The following UPRT variants were observed in gnomAD, a reference collection of about 807,000 sequenced individuals.
UPRT encodes uracil phosphoribosyltransferase homolog, also known as RP11-311P8.3.
UPRT carries 5 observed loss-of-function variants against 22.6 expected under a neutral mutation model. The ratio of observed to expected loss-of-function variants is 0.22; its 90% CI spans 0.12 to 0.47. The LOEUF (loss-of-function observed/expected upper bound fraction) is 0.47. Among genes scored for constraint, UPRT ranks in the 20% least tolerant of loss-of-function variants. UPRT has a pLI of 0.99. For missense variants in UPRT, 181 were observed against 239.9 expected, an observed-to-expected ratio of 0.75 and a Z score of 1.62; for synonymous variants, 77 against 87.7, an observed-to-expected ratio of 0.88 and a Z score of 0.68.
rs747874592 is a variant in UPRT, at chrX:75,267,949, C to A, written c.-446-23075C>A. On this transcript the variant is annotated intron_variant, in intron 4 of 13. Coordinates refer to the UPRT transcript ENST00000652605. ...AGGAGATAGAGACACAAAAAACCCTCAAAAAAAATCAATGAATCCAGGAGC... is the reference window on the plus strand; with the variant it reads ...AGGAGATAGAGACACAAAAAACCCTAAAAAAAAATCAATGAATCCAGGAGC... Among the ~76,000 whole-genome samples the A allele has an allele frequency of 8.2e-5, 9 of 110,228 alleles. No individual in the cohort carries two copies. The South Asian group carries it at 1.5e-3, about 19-fold the overall frequency.
intron 1 of UPRT, among the ~76,000 whole-genome samples, chrX:75,288,490 A>T (rs2082691577): frequency 8.9e-6 from 1 of 112,318 alleles, no homozygotes; most frequent in Admixed American, 9.5e-5. Context: ...TGCCATGATC[A>T]AGTAGGTGCC....
chrX:75,254,761 C>CTTTTTT (rs34395700), intron 4 of UPRT, among the ~76,000 whole-genome samples: 6 of 47,950 alleles, frequency 1.3e-4, no homozygotes, highest in South Asian at 1.4e-3. Flanking sequence ...AGGAAAGAAT[C>CTTTTTT]TTTTTTTTTT....
At position 75,303,879 on chromosome X, in the gene UPRT, G is replaced by A. The variant is rs2082753085; in HGVS notation, c.*368G>A. On this transcript the variant is annotated 3_prime_UTR_variant, in exon 7 of 7. Transcript: ENST00000373383. ...TTTGTCCCACTGTAGTTTGCATTTT[G>A]TTTAGTTTGGTTTTAGCTCTACTAA... The A allele has an allele frequency of 1.5e-5, 2 of 136,165 alleles. No individual in the cohort carries two copies. The highest frequency in any genetic ancestry group is 3.2e-5 in the African/African-American group (1 of 31,131). The allele number at this position is 136,165 out of a possible 1,213,427, so 11.2% of individuals were successfully genotyped here.
chrX:75,191,940 C>A (rs1204803544), intron 4 of UPRT, among the ~76,000 whole-genome samples: 1 of 111,340 alleles, frequency 9.0e-6, no homozygotes, highest in Non-Finnish European at 1.9e-5. Flanking sequence ...TGCTTTGGCT[C>A]TCGCTTGGTG....
chrX:75,245,648 A>G (rs138192719), intron 4 of UPRT, among the ~76,000 whole-genome samples: 4,105 of 112,063 alleles, frequency 0.037, 187 homozygotes, highest in African/African-American at 0.13. Flanking sequence ...GCAGCAACAG[A>G]GATGGAGCTG....
At chrX:75,219,314 A>G (rs978129225) in intron 4 of UPRT, among the ~76,000 whole-genome samples, 7 of 112,282 alleles carry the variant, frequency 6.2e-5, no homozygotes, top group African/African-American at 2.3e-4. Flanking sequence ...AAATTTCCCC[A>G]GTATGAAATA....
intron 5 of UPRT, 83 bp from the exon 6 acceptor site, chrX:75,300,784 C>A: frequency 1.4e-6 from 1 of 738,445 alleles, no homozygotes; most frequent in Non-Finnish European, 2.0e-6. Flanking sequence ...GATTCCCTGT[C>A]CCCCCTCCCC....
At chrX:75,254,837 G>A (rs1039469957) in intron 4 of UPRT, among the ~76,000 whole-genome samples, 41 of 99,949 alleles carry the variant, frequency 4.1e-4, no homozygotes, top group African/African-American at 7.3e-4. Flanking sequence ...CTGCAGTGGC[G>A]CAATCTCGGC....
intron 4 of UPRT, among the ~76,000 whole-genome samples, chrX:75,266,491 A>G (rs1042406114): frequency 4.5e-5 from 5 of 111,725 alleles, no homozygotes; most frequent in African/African-American, 1.6e-4. Flanking sequence ...AAAACCCTGG[A>G]AGAAAACCTA....
Position 75,277,456 on chromosome X carries a change from A to G in UPRT, c.386+2816A>G, listed in dbSNP as rs188909543. Reference sequence around the variant, plus strand: ...TGGAAGGAGACAGCAGGATCCAGAGAAGTGATTTAGGCAATATGTTTAGCA... The same window carrying G: ...TGGAAGGAGACAGCAGGATCCAGAGGAGTGATTTAGGCAATATGTTTAGCA... On this transcript the variant is annotated intron_variant, in intron 1 of 6. Transcript: ENST00000373383. Among the ~76,000 whole-genome samples the G allele has an allele frequency of 1.8e-4, 20 of 110,490 alleles. No individual in the cohort carries two copies. The East Asian group carries it at 5.4e-3, about 30-fold the overall frequency.
intron 4 of UPRT, among the ~76,000 whole-genome samples, chrX:75,187,710 C>G (rs1382223959): frequency 4.5e-5 from 5 of 111,720 alleles, no homozygotes; most frequent in Non-Finnish European, 7.5e-5. Flanking sequence ...TTCTTGGAGG[C>G]TTTGTTCATT....
intron 4 of UPRT, among the ~76,000 whole-genome samples, chrX:75,265,787 T>C (rs753829949): frequency 9.0e-6 from 1 of 111,180 alleles, no homozygotes; most frequent in South Asian, 3.8e-4. Flanking sequence ...TTTTCTGCTG[T>C]TTTTCCCCCA....
chrX:75,284,338 A>G (rs1010541269), intron 1 of UPRT, among the ~76,000 whole-genome samples: 3 of 110,932 alleles, frequency 2.7e-5, no homozygotes, highest in East Asian at 5.7e-4. Flanking sequence ...TTGCTGGTGA[A>G]CTAGTGTGAT....
At chrX:75,208,884 A>G (rs967729483) in intron 4 of UPRT, among the ~76,000 whole-genome samples, 1 of 111,853 alleles carries the variant, frequency 8.9e-6, no homozygotes, top group African/African-American at 3.3e-5. Flanking sequence ...CAGGATTAAC[A>G]GAAAGTAACA....
intron 4 of UPRT, among the ~76,000 whole-genome samples, chrX:75,211,373 G>A (rs2082380005): frequency 9.0e-6 from 1 of 111,235 alleles, no homozygotes; most frequent in South Asian, 3.9e-4. Context: ...TGAGAAGGCA[G>A]GCCGTGGTCA....
chrX:75,217,506 G>A (rs905699807), intron 4 of UPRT, among the ~76,000 whole-genome samples: 8 of 111,520 alleles, frequency 7.2e-5, no homozygotes, highest in Non-Finnish European at 1.5e-4. Flanking sequence ...AGTTCTCCTT[G>A]AAGAGGTCCT....
At chrX:75,212,939 TTAAAA>T (rs1164481589) in intron 4 of UPRT, among the ~76,000 whole-genome samples, 1 of 111,995 alleles carries the variant, frequency 8.9e-6, no homozygotes, top group African/African-American at 3.3e-5. Flanking sequence ...TCATCTGACC[TTAAAA>T]TAAAACAATA....
At chrX:75,283,046 A>C (rs2082664927) in intron 1 of UPRT, among the ~76,000 whole-genome samples, 1 of 112,019 alleles carries the variant, frequency 8.9e-6, no homozygotes. Flanking sequence ...TGTCTTTGTT[A>C]ACTGCTGTTG....
rs778252425 is a variant in UPRT, at chrX:75,296,328, C to A, written c.430-14C>A. Reference sequence around the variant, plus strand: ...CCAGCAGGTTCTCAACTTCTTCTTCCTTTGACTCTCTAGATCAGACTTGTT... The same window carrying A: ...CCAGCAGGTTCTCAACTTCTTCTTCATTTGACTCTCTAGATCAGACTTGTT... On this transcript the variant is annotated splice_polypyrimidine_tract_variant and intron_variant, in intron 2 of 6. Transcript: ENST00000373383. 2.5e-6 allele frequency: 3 copies of A among 1,206,253 alleles called. No homozygotes were observed. The highest frequency in any genetic ancestry group is 2.2e-6 in the Non-Finnish European group (2 of 892,019).
Sources: allele counts gnomAD v4.1 joint callset (sites outside exome capture counted in the v4.1 genomes callset), GRCh38; gene constraint gnomAD v4.1.1; transcripts MANE v1.5; gene names NCBI Gene and HGNC (gene_info 2026-07-23, HGNC 2026-07-21).